SLC26A5: variants seen among roughly 807,000 people sequenced by gnomAD.
SLC26A5 encodes prestin.
SLC26A5 carries 51 observed loss-of-function variants against 81.0 expected under a neutral mutation model. The observed-to-expected ratio is 0.63, with a 90% CI of 0.50 to 0.80. The LOEUF is 0.80. Among genes scored for constraint, SLC26A5 ranks in the 30% least tolerant of loss-of-function variants. The pLI is 0.00. For synonymous variants in SLC26A5, 325 were observed against 332.8 expected (o/e 0.98, Z 0.25); for missense variants, 771 against 905.8 (o/e 0.85, Z 1.91).
intron 2 of SLC26A5, among the ~76,000 whole-genome samples, chr7:103,431,242 C>T (rs1562805652): frequency 6.6e-6 from 1 of 152,088 alleles, no homozygotes; most frequent in African/African-American, 2.4e-5. Flanking sequence ...TATGAAATAA[C>T]TAATAATGAA....
chr7:103,362,604 G>T (rs1300240530), intron 19 of SLC26A5: 1 of 1,477,312 alleles, frequency 6.8e-7, no homozygotes, highest in Non-Finnish European at 9.3e-7. Flanking sequence ...TTAAAGTATG[G>T]TTTTGGGGAT....
intron 14 of SLC26A5, among the ~76,000 whole-genome samples, chr7:103,387,168 G>C (rs1301215617): frequency 6.6e-6 from 1 of 152,210 alleles, no homozygotes; most frequent in Non-Finnish European, 1.5e-5. Context: ...ACTTCTTTTA[G>C]ATAAATACGG....
chr7:103,355,011 T>G, intron 19 of SLC26A5: 1 of 1,090,762 alleles, frequency 9.2e-7, no homozygotes, highest in Non-Finnish European at 1.4e-6. Flanking sequence ...ATATCAAGAG[T>G]TTAAATACAG....
intron 11 of SLC26A5, among the ~76,000 whole-genome samples, chr7:103,391,149 T>C (rs1368428107): frequency 6.6e-6 from 1 of 152,198 alleles, no homozygotes; most frequent in Non-Finnish European, 1.5e-5. Context: ...AGGCATGAGC[T>C]ACCGCACTTG....
intron 4 of SLC26A5, among the ~76,000 whole-genome samples, chr7:103,415,861 T>C (rs1302878425): frequency 6.6e-6 from 1 of 152,230 alleles, no homozygotes; most frequent in Non-Finnish European, 1.5e-5. Context: ...GGATTACTCT[T>C]TGATCATTTC....
chr7:103,428,817 C>T (rs1469338946), intron 2 of SLC26A5, among the ~76,000 whole-genome samples: 1 of 152,178 alleles, frequency 6.6e-6, no homozygotes, highest in Non-Finnish European at 1.5e-5. Context: ...ATCCATCTGC[C>T]TTGGTCTCCC....
rs759714876 is a variant in SLC26A5, at chr7:103,410,414, G to A, written c.706C>T (p.Arg236Trp). Residue 236 changes from arginine to tryptophan, a missense_variant, in exon 7 of 20, where the codon CGG becomes TGG. Coordinates refer to ENST00000306312, the MANE Select transcript of SLC26A5 (RefSeq NM_198999.3). ...ACCACGGAAAAGATTCCACTGTACCGCTTTGTTTTAACTCCAAACAGATAT... is the reference window on the plus strand; with the variant it reads ...ACCACGGAAAAGATTCCACTGTACCACTTTGTTTTAACTCCAAACAGATAT... ...LKYLFGVKTK[R>W]YSGIFSVVYS... 13 of 1,614,002 alleles carry A rather than the reference G, an allele frequency of 8.1e-6. No individual in the cohort carries two copies. Among genetic ancestry groups the A allele is most frequent in the Middle Eastern group, 1.7e-4 (1 of 6,060 alleles).
At chr7:103,380,891 C>T (rs191616429) in intron 14 of SLC26A5, among the ~76,000 whole-genome samples, 1 of 151,556 alleles carries the variant, frequency 6.6e-6, no homozygotes, top group Non-Finnish European at 1.5e-5. Context: ...TACCTACACA[C>T]AATGCATACA....
intron 19 of SLC26A5, 93 bp from the exon 20 acceptor site, chr7:103,374,685 T>C: frequency 8.0e-7 from 1 of 1,250,330 alleles, no homozygotes; most frequent in Non-Finnish European, 1.1e-6. Context: ...TGTTTTTTTT[T>C]TTGTTATTGT....
chr7:103,378,915 C>A (rs1394294660), intron 16 of SLC26A5, among the ~76,000 whole-genome samples: 1 of 152,130 alleles, frequency 6.6e-6, no homozygotes, highest in Non-Finnish European at 1.5e-5. Context: ...CCAAAGGAAT[C>A]TACATGATCC....
chr7:103,426,560 G>A (rs912671093), intron 2 of SLC26A5, among the ~76,000 whole-genome samples: 5 of 152,126 alleles, frequency 3.3e-5, no homozygotes, highest in Non-Finnish European at 4.4e-5. Flanking sequence ...GAGAGGAGAC[G>A]ATTCTCAAAT....
At chr7:103,387,989 G>A (rs1451605278) in intron 14 of SLC26A5, among the ~76,000 whole-genome samples, 1 of 151,900 alleles carries the variant, frequency 6.6e-6, no homozygotes. Context: ...GCCAGTCCAG[G>A]CTATTTCTAT....
intron 14 of SLC26A5, among the ~76,000 whole-genome samples, chr7:103,381,282 CACAT>C (rs1458744472): frequency 6.6e-6 from 1 of 151,448 alleles, no homozygotes. Flanking sequence ...ATACCACACA[CACAT>C]ACACAATACA....
In SLC26A5 at chr7:103,410,492, C is replaced by G. The variant is rs1203673406; in HGVS notation, c.628G>C (p.Val210Leu). 1 of 1,613,958 alleles carries G rather than the reference C, an allele frequency of 6.2e-7. No individual in the cohort carries two copies. The highest frequency in any genetic ancestry group is 1.3e-5 in the African/African-American group (1 of 74,982). ...FVAIYLTEPL[V>L]RGFTTAAAVH... is the part of the protein sequence containing the mutation. ...GCTGCTGCGGTGGTAAACCCACGGACCAGAGGCTCTGTGAGATATATGGCC... is the reference window on the plus strand; with the variant it reads ...GCTGCTGCGGTGGTAAACCCACGGAGCAGAGGCTCTGTGAGATATATGGCC... Residue 210 changes from valine to leucine, a missense_variant, in exon 7 of 20, where the codon GTC becomes CTC. By Grantham distance (32) the Val-to-Leu change is conservative. Coordinates refer to ENST00000306312, the MANE Select transcript of SLC26A5 (RefSeq NM_198999.3).
rs1209998641 is a variant in SLC26A5 at position 103,389,001 on chromosome 7, C to T, written c.1514+7G>A. The T allele has an allele frequency of 6.3e-7, 1 of 1,596,532 alleles. No homozygotes were observed. The highest frequency in any genetic ancestry group is 8.6e-7 in the Non-Finnish European group (1 of 1,164,458). On this transcript the variant is annotated splice_region_variant and intron_variant, in intron 14 of 19. Transcript: ENST00000306312. ...ACATTCACACCCATTCCAATCTGGGCACTCACCTCTGTGTTCTGTAAATCA... is the reference window on the plus strand; with the variant it reads ...ACATTCACACCCATTCCAATCTGGGTACTCACCTCTGTGTTCTGTAAATCA...
chr7:103,352,776 G>A (rs1049600376), exon 20 of SLC26A5: 2 of 770,208 alleles, frequency 2.6e-6, no homozygotes, highest in Non-Finnish European at 4.8e-6. Flanking sequence ...ACAAAGTTCA[G>A]AAGTGTTAAG....
intron 10 of SLC26A5, 148 bp downstream of exon 10, chr7:103,392,771 G>GT (rs1288098158): frequency 1.0e-6 from 1 of 952,584 alleles, no homozygotes; most frequent in Non-Finnish European, 1.6e-6. Flanking sequence ...TAGAGATGGG[G>GT]TTTCACCATG....
chr7:103,438,185 TA>T (rs1299916938), intron 2 of SLC26A5, among the ~76,000 whole-genome samples: 1 of 151,792 alleles, frequency 6.6e-6, no homozygotes, highest in African/African-American at 2.4e-5. Flanking sequence ...CTGTATATTT[TA>T]AAAAAAACTA....
chr7:103,374,674 G>GT (rs1821223115), intron 19 of SLC26A5, 82 bp from the exon 20 acceptor site: 23 of 1,155,038 alleles, frequency 2.0e-5, no homozygotes, highest in South Asian at 7.2e-5. Context: ...CTTCCATATA[G>GT]TGTTTTTTTT....
Sources: gnomAD v4.1 joint callset for allele counts (sites outside exome capture counted in the v4.1 genomes callset) on GRCh38, gnomAD v4.1.1 for gene constraint, MANE v1.5 for transcripts, NCBI Gene and HGNC (gene_info 2026-07-23, HGNC 2026-07-21) for gene names.